Variants in ZNF592 observed in about 807,000 individuals in gnomAD.
The protein encoded by ZNF592 is zinc finger protein 592, also known as spinocerebellar ataxia, autosomal recessive 5.
In ZNF592, 11 loss-of-function variants were observed where a neutral mutation model predicts 80.3. That is an observed-to-expected ratio of 0.14 (90% CI 0.09 to 0.23). The LOEUF is 0.23. Ranked by LOEUF, ZNF592 falls within the 10% of genes least tolerant of loss-of-function variation. The probability of loss-of-function intolerance (pLI) is 1.00; values close to 1 mark genes in which losing one functional copy is unlikely to be tolerated. For missense variants in ZNF592, 1,420 were observed against 1,633.9 expected (o/e 0.87, Z 2.26); for synonymous variants, 646 against 640.3 (o/e 1.01, Z -0.13).
intron 4 of ZNF592, among the ~76,000 whole-genome samples, chr15:84,785,208 T>G (rs1297025045): frequency 6.6e-6 from 1 of 152,146 alleles, no homozygotes; most frequent in Non-Finnish European, 1.5e-5. Flanking sequence ...CTCCCTCTGG[T>G]CTCTGGCAGG....
At chr15:84,769,171 C>T (rs1031140302) in intron 2 of ZNF592, among the ~76,000 whole-genome samples, 1 of 152,062 alleles carries the variant, frequency 6.6e-6, no homozygotes, top group African/African-American at 2.4e-5. Context: ...GAACTCCTGA[C>T]CTCAGGTGAT....
Position 84,783,912 on chromosome 15 carries a change from G to A in ZNF592, c.1237G>A (p.Ala413Thr), listed in dbSNP as rs573527796. The A allele has an allele frequency of 1.6e-5, 26 of 1,614,158 alleles. No individual in the cohort carries two copies. The highest frequency in any genetic ancestry group is 1.0e-4 in the Admixed American group (6 of 60,028). ...CCCTGTTGGGTCACCTCTAGGGAGC[G>A]CCATTGCAGAGGCCCCCAGCGAGAT... ...KSPVGSPLGS[A>T]IAEAPSEMPG... Residue 413 changes from alanine (A) to threonine (T), a missense_variant, in exon 4 of 11, where the codon GCC becomes ACC. Around this residue, in one of 7 missense-constraint regions of ZNF592, gnomAD observed 524 missense variants for 628.3 expected, o/e 0.83. Coordinates refer to ENST00000560079, the MANE Select transcript of ZNF592 (RefSeq NM_014630.3). This position sits in a 1 kb window ranked among gnomAD's most constrained non-coding sequence, Gnocchi z 5.0.
At chr15:84,754,264 G>A (rs1227583022) in intron 1 of ZNF592, among the ~76,000 whole-genome samples, 3 of 152,106 alleles carry the variant, frequency 2.0e-5, no homozygotes, top group African/African-American at 7.2e-5. Context: ...TAAATCCAGA[G>A]GTAATAATGG....
chr15:84,776,343 G>A (rs1962251901), intron 2 of ZNF592, among the ~76,000 whole-genome samples: 1 of 152,242 alleles, frequency 6.6e-6, no homozygotes, highest in South Asian at 2.1e-4. Context: ...TATAGATACT[G>A]GTGTATGCTG....
intron 5 of ZNF592, among the ~76,000 whole-genome samples, 198 bp from the exon 6 acceptor site, chr15:84,797,671 G>C (rs1962956216): frequency 6.6e-6 from 1 of 152,204 alleles, no homozygotes; most frequent in African/African-American, 2.4e-5. Context: ...GGGCCACTGT[G>C]TGGCCACATT....
At chr15:84,786,156 A>G (rs55804266) in intron 4 of ZNF592, among the ~76,000 whole-genome samples, 3,488 of 152,266 alleles carry the variant, frequency 0.023, 129 homozygotes, top group African/African-American at 0.077. Flanking sequence ...CTGGGGGTCT[A>G]TGCCAACCAG....
At chr15:84,801,163 A>G (rs952699112) in intron 10 of ZNF592, among the ~76,000 whole-genome samples, 2 of 152,218 alleles carry the variant, frequency 1.3e-5, no homozygotes, top group African/African-American at 4.8e-5. Flanking sequence ...TCTACAATAA[A>G]TAAGTAAATA....
intron 3 of ZNF592, among the ~76,000 whole-genome samples, chr15:84,781,600 A>G (rs1185078761): frequency 6.6e-6 from 1 of 152,218 alleles, no homozygotes; most frequent in African/African-American, 2.4e-5. Context: ...TTCTGAAAGA[A>G]TTGTGCCAAT....
intron 1 of ZNF592, chr15:84,754,398 C>G (rs1229420693): frequency 6.6e-6 from 1 of 151,162 alleles, no homozygotes; most frequent in African/African-American, 2.4e-5. Flanking sequence ...CCCATCTCTA[C>G]TAAAAATACA....
At position 84,784,993 on chromosome 15, in the gene ZNF592, GT is replaced by G; in HGVS notation, c.2220+99del. 7.3e-7 allele frequency: 1 copy of G among 1,370,886 alleles called. No homozygotes were observed. Among genetic ancestry groups the G allele is most frequent in the Non-Finnish European group, 1.0e-6 (1 of 963,498 alleles). The allele number at this position is 1,370,886 out of a possible 1,614,324, so 84.9% of individuals were successfully genotyped here. A position where few individuals can be genotyped will look rare whatever the true frequency, so the allele number is the denominator to read the frequency against. On this transcript the variant is annotated intron_variant, in intron 4 of 10. Transcript: ENST00000560079. This position sits in a 1 kb window ranked among gnomAD's most constrained non-coding sequence, Gnocchi z 5.8. ...AAAGCTCATTGATATGGGGGCAGTGGTGGAATCTTATGAGTCTTAGAAGAGG... is the reference window on the plus strand; with the variant it reads ...AAAGCTCATTGATATGGGGGCAGTGGGGAATCTTATGAGTCTTAGAAGAGG...
chr15:84,758,013 C>T (rs1181924916), intron 1 of ZNF592, among the ~76,000 whole-genome samples: 1 of 150,452 alleles, frequency 6.6e-6, no homozygotes, highest in African/African-American at 2.5e-5. Context: ...TGCTCTGTCG[C>T]CCAGGCTAGA....
chr15:84,765,881 G>A (rs1193099955), intron 2 of ZNF592, among the ~76,000 whole-genome samples: 2 of 151,856 alleles, frequency 1.3e-5, no homozygotes, highest in Non-Finnish European at 2.9e-5. Context: ...TGTGTGATTG[G>A]ACCCATAAAG....
chr15:84,760,074 A>G (rs1899304843), intron 1 of ZNF592, among the ~76,000 whole-genome samples: 1 of 151,164 alleles, frequency 6.6e-6, no homozygotes, highest in East Asian at 1.9e-4. Context: ...ATGGATAGGC[A>G]GAGGGGAGTG....
chr15:84,788,917 T>A (rs1345784876), intron 4 of ZNF592, among the ~76,000 whole-genome samples: 1 of 152,012 alleles, frequency 6.6e-6, no homozygotes, highest in East Asian at 1.9e-4. Context: ...TGTCAGAATC[T>A]CCTTCTTTTT....
At position 84,803,326 on chromosome 15, in the gene ZNF592, G is replaced by C. The variant is rs1963154207; in HGVS notation, c.*933G>C. 6.6e-6 allele frequency: 1 copy of C among 152,642 alleles called. No individual in the cohort carries two copies. The highest frequency in any genetic ancestry group is 2.4e-5 in the African/African-American group (1 of 41,424). 9.5% of individuals were successfully genotyped at this position (152,642 alleles called of 1,614,324 possible). On this transcript the variant is annotated 3_prime_UTR_variant, in exon 11 of 11. Coordinates refer to ENST00000560079, the MANE Select transcript of ZNF592 (RefSeq NM_014630.3). ...GGTAGGCTCTTGTATTCCTCTCCAA[G>C]TGAGCCTGGCCCCACCCTATTCCAC... is the stretch of plus-strand genomic sequence containing the variant.
Position 84,798,672 on chromosome 15 carries a change from C to G in ZNF592, c.2821C>G (p.Arg941Gly), listed in dbSNP as rs770317541. 1.9e-6 allele frequency: 3 copies of G among 1,613,646 alleles called. No individual in the cohort carries two copies. Among genetic ancestry groups the G allele is most frequent in the Non-Finnish European group, 2.5e-6 (3 of 1,180,038 alleles). Residue 941 changes from arginine to glycine, a missense_variant, in exon 8 of 11, where the codon CGA (arginine) becomes GGA (glycine). By Grantham distance (125) the Arg-to-Gly change is moderately radical. This residue lies in a region of ZNF592 where 331 missense variants were observed against 347.0 expected (regional missense o/e 0.95). Transcript: ENST00000560079. The surrounding 1 kb of genome is among the most constrained non-coding windows in gnomAD (Gnocchi z 4.5). ...CACATCCTCAAGCCGCCCTGGCTCT[C>G]GAGTTCCCACTGAGCCACCAGCCAC... Reference protein sequence around the residue: ...ADTSSSRPGSRVPTEPPATSV... With the variant: ...ADTSSSRPGSGVPTEPPATSV...
chr15:84,792,403 A>G (rs1962774906), intron 5 of ZNF592, among the ~76,000 whole-genome samples: 1 of 152,224 alleles, frequency 6.6e-6, no homozygotes, highest in Admixed American at 6.5e-5. Context: ...GCTAACACGT[A>G]TATTAAAGTT....
chr15:84,791,784 G>A (rs534349052), intron 5 of ZNF592, among the ~76,000 whole-genome samples: 1 of 152,340 alleles, frequency 6.6e-6, no homozygotes, highest in South Asian at 2.1e-4. Flanking sequence ...AAAAGAAGGG[G>A]AAACCATACC....
intron 4 of ZNF592, among the ~76,000 whole-genome samples, chr15:84,788,912 G>C (rs927615729): frequency 5.3e-5 from 8 of 152,030 alleles, no homozygotes; most frequent in Non-Finnish European, 2.9e-5. Context: ...GCATATGTCA[G>C]AATCTCCTTC....
Sources: gnomAD v4.1 joint callset for allele counts (sites outside exome capture counted in the v4.1 genomes callset) on GRCh38, gnomAD v4.1.1 for gene constraint, gnomAD v4.1.1 regional missense constraint, Gnocchi (gnomAD v3.1) non-coding constraint, MANE v1.5 for transcripts, NCBI Gene and HGNC (gene_info 2026-07-23, HGNC 2026-07-21) for gene names.